Variants in ARHGAP24 observed in about 807,000 individuals in gnomAD.
ARHGAP24 encodes the protein Rho GTPase activating protein 24.
A neutral mutation model predicts 76.4 loss-of-function variants in ARHGAP24; 50 were observed. The observed-to-expected ratio is 0.65, with a 90% confidence interval of 0.52 to 0.83. ARHGAP24 has a LOEUF of 0.83. Ranked by LOEUF, ARHGAP24 falls within the 40% of genes least tolerant of loss-of-function variation. The pLI, the probability that ARHGAP24 is intolerant of heterozygous loss-of-function variation, is 0.00. For missense variants in ARHGAP24, 930 were observed against 914.2 expected, an observed-to-expected ratio of 1.02 and a Z score of -0.22; for synonymous variants, 345 against 323.3, an observed-to-expected ratio of 1.07 and a Z score of -0.72.
intron 3 of ARHGAP24, among the ~76,000 whole-genome samples, chr4:85,896,311 A>G (rs763410925): frequency 7.2e-5 from 11 of 152,192 alleles, no homozygotes; most frequent in Non-Finnish European, 1.5e-4. Context: ...CTGTATTACT[A>G]TATTATCTTA....
chr4:85,855,394 T>C (rs527764622), intron 3 of ARHGAP24, among the ~76,000 whole-genome samples: 3 of 152,134 alleles, frequency 2.0e-5, no homozygotes, highest in African/African-American at 4.8e-5. Context: ...AGTCTTAATT[T>C]CACAGGAAGT....
chr4:85,539,564 T>A (rs1017560073), intron 1 of ARHGAP24, among the ~76,000 whole-genome samples: 11 of 152,144 alleles, frequency 7.2e-5, no homozygotes, highest in African/African-American at 2.7e-4. Flanking sequence ...TTATAGAAAA[T>A]AAACTGTAAT....
chr4:85,598,757 T>C lies in ARHGAP24; in HGVS notation c.180+28036T>C, dbSNP rs182977879. ...CACTGTTTTGTTTTGTTTTTTTTTT[T>C]TTACAATATTCCTCAAGTCAAATAA... On this transcript the variant is annotated intron_variant, in intron 2 of 9. Coordinates refer to ENST00000395184, the MANE Select transcript of ARHGAP24 (RefSeq NM_001025616.3). Among the ~76,000 whole-genome samples, 231 of 150,732 alleles carry C rather than the reference T, an allele frequency of 1.5e-3. 1 individual carries two copies. Among genetic ancestry groups the C allele is most frequent in the African/African-American group, 5.5e-3 (226 of 41,334 alleles).
intron 1 of ARHGAP24, among the ~76,000 whole-genome samples, chr4:85,520,258 A>G (rs1724685109): frequency 6.6e-6 from 1 of 152,094 alleles, no homozygotes; most frequent in Admixed American, 6.6e-5. Context: ...TGGCCCATAA[A>G]TCCAAGTGCC....
rs146257092 is a variant in ARHGAP24, at chr4:85,819,047, C to G, written c.268+97075C>G. On this transcript the variant is annotated intron_variant, in intron 3 of 9. Transcript: ENST00000395184. ...GATATAACTTTTTTGAGAGCCATAG[C>G]TTAGCCAGTTTGAAAAGTTGTACAG... Among the ~76,000 whole-genome samples, 1,443 of 152,276 alleles carry G rather than the reference C, an allele frequency of 9.5e-3. 26 individuals carry two copies. Among genetic ancestry groups the G allele is most frequent in the African/African-American group, 0.033 (1,351 of 41,554 alleles).
Position 85,509,702 on chromosome 4 carries a change from T to G in ARHGAP24, c.-21+34143T>G, listed in dbSNP as rs1458543478. ...TCTGTTCTTTTAATGCTCCTGACTT[T>G]CATTTTACTTAATTATGATGCTTTT... On this transcript the variant is annotated intron_variant, in intron 1 of 9. Transcript: ENST00000395184. Among the ~76,000 whole-genome samples, 3 of 152,096 alleles carry G rather than the reference T, an allele frequency of 2.0e-5. No homozygotes were observed. The East Asian group carries it at 5.8e-4, about 29-fold the overall frequency.
chr4:85,748,570 T>C (rs1726138555), intron 3 of ARHGAP24, among the ~76,000 whole-genome samples: 1 of 152,172 alleles, frequency 6.6e-6, no homozygotes, highest in African/African-American at 2.4e-5. Context: ...TATTTGGACG[T>C]TTAAATAAAA....
chr4:85,510,399 T>G (rs1724229575), intron 1 of ARHGAP24, among the ~76,000 whole-genome samples: 1 of 152,076 alleles, frequency 6.6e-6, no homozygotes, highest in Non-Finnish European at 1.5e-5. Context: ...TCCCTCCTAA[T>G]GTACCACTCC....
intron 1 of ARHGAP24, among the ~76,000 whole-genome samples, chr4:85,501,452 G>A (rs1486154899): frequency 1.3e-5 from 2 of 152,202 alleles, no homozygotes; most frequent in Admixed American, 6.5e-5. Flanking sequence ...TTGTGGTTTT[G>A]ATTTGCATTT....
chr4:85,532,903 A>G (rs1310430397), intron 1 of ARHGAP24, among the ~76,000 whole-genome samples: 4 of 145,784 alleles, frequency 2.7e-5, no homozygotes, highest in Admixed American at 6.6e-5. Context: ...TCACTGATCA[A>G]TGCAGCTCTC....
At chr4:85,487,362 T>C (rs1369709540) in intron 1 of ARHGAP24, among the ~76,000 whole-genome samples, 2 of 113,930 alleles carry the variant, frequency 1.8e-5, no homozygotes, top group Admixed American at 1.2e-4. Context: ...TATATATAAA[T>C]ATATAAATAT....
chr4:85,978,338 G>T (rs547485538), intron 8 of ARHGAP24, among the ~76,000 whole-genome samples: 1 of 152,114 alleles, frequency 6.6e-6, no homozygotes, highest in Non-Finnish European at 1.5e-5. Flanking sequence ...TTCACTCTAG[G>T]TTTATTTAGT....
At chr4:85,808,233 C>G (rs894995641) in intron 3 of ARHGAP24, among the ~76,000 whole-genome samples, 2 of 152,184 alleles carry the variant, frequency 1.3e-5, no homozygotes, top group East Asian at 3.9e-4. Flanking sequence ...ATGTTAAGTC[C>G]TAGGGATTAT....
intron 2 of ARHGAP24, among the ~76,000 whole-genome samples, chr4:85,661,502 T>A (rs1258475433): frequency 6.6e-6 from 1 of 152,180 alleles, no homozygotes; most frequent in Non-Finnish European, 1.5e-5. Context: ...TTAACAAATG[T>A]ATAGCTTCTG....
intron 3 of ARHGAP24, among the ~76,000 whole-genome samples, chr4:85,895,978 A>G (rs1407913351): frequency 6.6e-6 from 1 of 152,198 alleles, no homozygotes; most frequent in Non-Finnish European, 1.5e-5. Flanking sequence ...CGTTAATTCC[A>G]TGGTAGAGGG....
chr4:85,856,870 T>C (rs1731605479), intron 3 of ARHGAP24, among the ~76,000 whole-genome samples: 1 of 152,214 alleles, frequency 6.6e-6, no homozygotes, highest in African/African-American at 2.4e-5. Flanking sequence ...TATTTTACTA[T>C]GACTACTTTT....
intron 2 of ARHGAP24, among the ~76,000 whole-genome samples, chr4:85,602,109 T>C (rs1720048655): frequency 6.6e-6 from 1 of 152,194 alleles, no homozygotes; most frequent in Non-Finnish European, 1.5e-5. Flanking sequence ...TTTAGGGAGA[T>C]GTTTACATTG....
chr4:85,999,736 G>A (rs983165090), intron 9 of ARHGAP24: 7 of 152,080 alleles, frequency 4.6e-5, no homozygotes, highest in African/African-American at 9.7e-5. Flanking sequence ...TTTTAAAAAC[G>A]TTACTGCGAA....
chr4:85,616,319 C>T (rs1322817950), intron 2 of ARHGAP24, among the ~76,000 whole-genome samples: 2 of 152,138 alleles, frequency 1.3e-5, no homozygotes, highest in Non-Finnish European at 1.5e-5. Flanking sequence ...GTAAAGCCTA[C>T]AAAGAATTTG....
Sources: gnomAD v4.1 joint callset for allele counts (sites outside exome capture counted in the v4.1 genomes callset) on GRCh38, gnomAD v4.1.1 for gene constraint, MANE v1.5 for transcripts, NCBI Gene and HGNC (gene_info 2026-07-23, HGNC 2026-07-21) for gene names.